Variants in FAM228B observed in about 807,000 individuals in gnomAD.
FAM228B encodes the protein family with sequence similarity 228 member B.
In FAM228B, 38 loss-of-function variants were observed where a neutral mutation model predicts 42.6. That is an observed-to-expected ratio of 0.89 (90% CI 0.69 to 1.17). FAM228B has a LOEUF of 1.17. Ranked by LOEUF, FAM228B falls within the 50% of genes most tolerant of loss-of-function variation. The pLI is 0.00. For missense variants in FAM228B, 344 were observed against 367.3 expected, an observed-to-expected ratio of 0.94 and a Z score of 0.52; for synonymous variants, 109 against 122.3, an observed-to-expected ratio of 0.89 and a Z score of 0.72.
intron 9 of FAM228B, chr2:24,165,612 C>A (rs113211470): frequency 2.8e-6 from 1 of 356,474 alleles, no homozygotes. Context: ...ACATTTAGAA[C>A]CTGGATTCTT....
chr2:24,079,982 T>C (rs925307847), intron 1 of FAM228B, among the ~76,000 whole-genome samples: 3 of 152,128 alleles, frequency 2.0e-5, no homozygotes, highest in Non-Finnish European at 2.9e-5. Context: ...GTTGTTCACA[T>C]AGAAGTTAGG....
chr2:24,092,460 C>T (rs1048265339), intron 2 of FAM228B, among the ~76,000 whole-genome samples: 2 of 149,198 alleles, frequency 1.3e-5, no homozygotes, highest in Non-Finnish European at 3.0e-5. Context: ...CCTGTAATCC[C>T]AGCTATTCGG....
intron 2 of FAM228B, among the ~76,000 whole-genome samples, chr2:24,088,244 A>G (rs373406556): frequency 2.6e-5 from 4 of 152,172 alleles, no homozygotes; most frequent in East Asian, 3.9e-4. Context: ...CCATGGGAAG[A>G]TGGTGTGGTG....
intron 5 of FAM228B, chr2:24,142,403 T>G (rs183313919): frequency 1.3e-5 from 2 of 152,362 alleles, no homozygotes; most frequent in Non-Finnish European, 2.9e-5. Context: ...CAGATGGATC[T>G]TCAGCATTTC....
At chr2:24,098,094 A>T (rs965656930) in intron 3 of FAM228B, among the ~76,000 whole-genome samples, 2 of 152,246 alleles carry the variant, frequency 1.3e-5, no homozygotes, top group Non-Finnish European at 2.9e-5. Context: ...ATGAGAACAA[A>T]GACACAACGT....
intron 2 of FAM228B, among the ~76,000 whole-genome samples, chr2:24,089,071 G>C (rs1393311914): frequency 6.6e-6 from 1 of 152,190 alleles, no homozygotes; most frequent in Non-Finnish European, 1.5e-5. Flanking sequence ...GAAATGGGCT[G>C]GGTGCTGTGG....
In FAM228B at chr2:24,084,232, A is replaced by G. The variant is rs746295555; in HGVS notation, c.-210+3277A>G. 3.1e-6 allele frequency: 5 copies of G among 1,613,906 alleles called. No homozygotes were observed. The highest frequency in any genetic ancestry group is 4.2e-6 in the Non-Finnish European group (5 of 1,179,992). ...GTTCAGGGCGCTGGCCGCCACCTTC[A>G]GGAGGACTTCACCCTCCCCCGGGCT... On this transcript the variant is annotated intron_variant, in intron 2 of 10. Transcript: ENST00000613899. The surrounding 1 kb of genome is among the most constrained non-coding windows in gnomAD (Gnocchi z 8.4).
intron 10 of FAM228B, among the ~76,000 whole-genome samples, chr2:24,168,851 T>C (rs6727138): frequency 0.86 from 130,631 of 152,074 alleles, 57,596 homozygotes; most frequent in Non-Finnish European, 0.95. Context: ...GAGGGAAGGC[T>C]GAGTACATGG....
chr2:24,108,229 C>T (rs1436762222), intron 3 of FAM228B, among the ~76,000 whole-genome samples: 1 of 152,106 alleles, frequency 6.6e-6, no homozygotes, highest in Non-Finnish European at 1.5e-5. Context: ...CAGGAATAAA[C>T]TGAATCCCTG....
At chr2:24,122,566 T>G (rs144865682), upstream of FAM228B, 13,929 of 1,459,624 alleles carry the variant, frequency 9.5e-3, 88 homozygotes, top group Non-Finnish European at 0.012. Context: ...GAAAGTGCAG[T>G]TGAAGCCATT....
intron 5 of FAM228B, among the ~76,000 whole-genome samples, chr2:24,140,647 T>C (rs1378488121): frequency 6.6e-6 from 1 of 152,118 alleles, no homozygotes; most frequent in Non-Finnish European, 1.5e-5. Context: ...AGCCATCATA[T>C]TGTACAATAG....
At chr2:24,166,054 A>AAAATATATAT (rs56146407) in intron 9 of FAM228B, 26 of 81,044 alleles carry the variant, frequency 3.2e-4, no homozygotes, top group East Asian at 4.4e-4. Flanking sequence ...AAAAAAAAAA[A>AAAATATATAT]ATATATATAT....
At chr2:24,152,115 T>C (rs1253299075) in intron 7 of FAM228B, among the ~76,000 whole-genome samples, 1 of 152,116 alleles carries the variant, frequency 6.6e-6, no homozygotes, top group African/African-American at 2.4e-5. Flanking sequence ...GTAATCTGCC[T>C]GCCTCAGCCT....
intron 5 of FAM228B, among the ~76,000 whole-genome samples, chr2:24,145,447 ACAC>A (rs1666870594): frequency 6.6e-6 from 1 of 152,162 alleles, no homozygotes; most frequent in Non-Finnish European, 1.5e-5. Flanking sequence ...TACCCATCCA[ACAC>A]CATAGACACG....
intron 7 of FAM228B, among the ~76,000 whole-genome samples, chr2:24,154,047 C>G (rs1345774166): frequency 6.6e-6 from 1 of 152,246 alleles, no homozygotes; most frequent in Non-Finnish European, 1.5e-5. Context: ...TACAAACTCT[C>G]TCTCTGTACC....
chr2:24,157,665 G>C (rs887091231), intron 7 of FAM228B, among the ~76,000 whole-genome samples: 1 of 150,436 alleles, frequency 6.6e-6, no homozygotes, highest in African/African-American at 2.5e-5. Context: ...TTGAACCTGG[G>C]AGGCAGAAGT....
intron 3 of FAM228B, among the ~76,000 whole-genome samples, chr2:24,097,706 C>T (rs1163673627): frequency 6.6e-6 from 1 of 152,134 alleles, no homozygotes; most frequent in African/African-American, 2.4e-5. Context: ...ACCCCACTGT[C>T]AATATTAGAC....
intron 3 of FAM228B, chr2:24,097,309 C>T (rs1222759215): frequency 6.6e-6 from 1 of 151,902 alleles, no homozygotes; most frequent in East Asian, 1.9e-4. Context: ...CTAAATGCCC[C>T]AATTAAAAGA....
intron 10 of FAM228B, chr2:24,167,968 C>T: frequency 2.6e-6 from 1 of 377,612 alleles, no homozygotes; most frequent in Non-Finnish European, 5.0e-6. Context: ...ATTTCTTTTC[C>T]AGGTGTTTGC....
Sources: gnomAD v4.1 joint callset for allele counts (sites outside exome capture counted in the v4.1 genomes callset) on GRCh38, gnomAD v4.1.1 for gene constraint, Gnocchi (gnomAD v3.1) non-coding constraint, MANE v1.5 for transcripts, NCBI Gene and HGNC (gene_info 2026-07-23, HGNC 2026-07-21) for gene names.